The following GPRC5B variants were observed in gnomAD, a reference collection of about 807,000 sequenced individuals.
GPRC5B encodes G protein-coupled receptor family C group 5 member B.
A neutral mutation model predicts 30.1 loss-of-function variants in GPRC5B; 16 were observed. The observed-to-expected ratio is 0.53, with a 90% CI of 0.36 to 0.81. The LOEUF is 0.81. Ranked by LOEUF, GPRC5B falls within the 30% of genes least tolerant of loss-of-function variation. The pLI, the probability that GPRC5B is intolerant of heterozygous loss-of-function variation, is 0.01. For missense variants in GPRC5B, 428 were observed against 544.7 expected, an observed-to-expected ratio of 0.79 and a Z score of 2.13; for synonymous variants, 241 against 239.5, an observed-to-expected ratio of 1.01 and a Z score of -0.06.
intron 2 of GPRC5B, among the ~76,000 whole-genome samples, chr16:19,866,073 T>C (rs1451726351): frequency 6.6e-6 from 1 of 152,176 alleles, no homozygotes; most frequent in Non-Finnish European, 1.5e-5. Context: ...ATTACAGGCA[T>C]GCGCCACCAC....
At chr16:19,878,095 G>T (rs867628577) in intron 1 of GPRC5B, among the ~76,000 whole-genome samples, 13 of 151,722 alleles carry the variant, frequency 8.6e-5, no homozygotes, top group South Asian at 2.1e-4. Flanking sequence ...GCTACTTGGG[G>T]GACTGAGGCA....
chr16:19,864,164 T>G (rs868130550), intron 2 of GPRC5B, among the ~76,000 whole-genome samples: 60 of 152,342 alleles, frequency 3.9e-4, no homozygotes, highest in Admixed American at 1.2e-3. Context: ...AAAGCTCAAA[T>G]GGCTGGATGC....
At chr16:19,878,203 AC>A (rs2056774782) in intron 1 of GPRC5B, among the ~76,000 whole-genome samples, 1 of 119,160 alleles carries the variant, frequency 8.4e-6, no homozygotes, top group African/African-American at 3.6e-5. Context: ...CGTCTTAAAA[AC>A]AAACAAACAA....
Position 19,858,243 on chromosome 16 carries a change from T to C in GPRC5B, c.*2257A>G, listed in dbSNP as rs2056588485. ...CTCACTCCCGCCTCCGCCCCCATTA[T>C]GAAGGCGTTCAGCCCACTCTCAACC... On this transcript the variant is annotated 3_prime_UTR_variant, in exon 4 of 4. Transcript: ENST00000300571. 8.0e-6 allele frequency: 3 copies of C among 373,592 alleles called. No homozygotes were observed. The highest frequency in any genetic ancestry group is 4.6e-5 in the Admixed American group (1 of 21,848). The allele number at this position is 373,592 out of a possible 1,614,324, so 23.1% of individuals were successfully genotyped here. A position where few individuals can be genotyped will look rare whatever the true frequency, so the allele number is the denominator to read the frequency against.
chr16:19,875,448 A>G (rs888021437), intron 1 of GPRC5B, among the ~76,000 whole-genome samples: 1 of 152,240 alleles, frequency 6.6e-6, no homozygotes, highest in Non-Finnish European at 1.5e-5. Context: ...CAAGAAAACC[A>G]AACACATTCA....
At position 19,861,936 on chromosome 16, in the gene GPRC5B, T is replaced by C. The variant is rs757728423; in HGVS notation, c.1068A>G (p.Gly356=). 13 of 1,613,428 alleles carry C rather than the reference T, an allele frequency of 8.1e-6. No homozygotes were observed. Among genetic ancestry groups the C allele is most frequent in the Admixed American group, 1.7e-5 (1 of 59,978 alleles). The part of the protein sequence containing the change: ...RTAGFPNGSL[G]KRPSGSLGKR... ...TCCCCAAGCTGCCACTGGGTCTTTT[T>C]CCCAAGCTGCCGTTGGGAAATCCTG... is the stretch of plus-strand genomic sequence containing the variant. The change falls in exon 3 of 4, where the codon GGA becomes GGG. Residue 356 remains glycine, a synonymous_variant. Coordinates refer to ENST00000300571, the MANE Select transcript of GPRC5B (RefSeq NM_016235.3).
intron 3 of GPRC5B, 23 bp from the exon 4 acceptor site, chr16:19,860,567 C>G: frequency 6.5e-7 from 1 of 1,541,852 alleles, no homozygotes; most frequent in African/African-American, 1.4e-5. Flanking sequence ...ATAAGGATAA[C>G]ACACTGAGAA....
chr16:19,868,580 T>C (rs1478222053), intron 2 of GPRC5B, among the ~76,000 whole-genome samples: 8 of 152,146 alleles, frequency 5.3e-5, no homozygotes, highest in Non-Finnish European at 8.8e-5. Context: ...TGCTGATCTC[T>C]GTCCTGATCC....
intron 3 of GPRC5B, among the ~76,000 whole-genome samples, chr16:19,861,575 T>C (rs1439293706): frequency 6.6e-6 from 1 of 152,166 alleles, no homozygotes; most frequent in East Asian, 1.9e-4. Flanking sequence ...AATAATTCAC[T>C]GGGTCCAACA....
upstream of GPRC5B, chr16:19,885,262 G>T: frequency 1.6e-6 from 2 of 1,285,620 alleles, no homozygotes; most frequent in Non-Finnish European, 2.0e-6. The surrounding 1 kb of genome is among the most constrained non-coding windows in gnomAD (Gnocchi z 5.3). Flanking sequence ...CCCAGGCCAC[G>T]CTCCAAGGGG....
rs779754829 is a variant in GPRC5B at position 19,872,588 on chromosome 16, C to T, written c.258G>A (p.Glu86=). The change falls in exon 2 of 4, where the codon GAG becomes GAA. Residue 86 remains glutamate (E), a synonymous_variant. Coordinates refer to ENST00000300571, the MANE Select transcript of GPRC5B (RefSeq NM_016235.3). This position sits in a 1 kb window ranked among gnomAD's most constrained non-coding sequence, Gnocchi z 5.0. The part of the protein sequence containing the change: ...ILLVRLPFIK[E]KEKKSPVGLH... ...GGCCCACAGGGCTCTTCTTCTCCTTCTCCTTGATGAAGGGCAGCCGCACCA... is the reference window on the plus strand; with the variant it reads ...GGCCCACAGGGCTCTTCTTCTCCTTTTCCTTGATGAAGGGCAGCCGCACCA... 7 of 1,614,034 alleles carry T rather than the reference C, an allele frequency of 4.3e-6. No individual in the cohort carries two copies. In the South Asian group the frequency reaches 7.7e-5, roughly 18 times the overall value.
At chr16:19,881,392 C>G (rs1200944098) in intron 1 of GPRC5B, among the ~76,000 whole-genome samples, 1 of 152,016 alleles carries the variant, frequency 6.6e-6, no homozygotes, top group Non-Finnish European at 1.5e-5. Flanking sequence ...CGTAGCAAGA[C>G]TGTCTCTATT....
intron 2 of GPRC5B, among the ~76,000 whole-genome samples, chr16:19,867,032 A>G (rs1463117377): frequency 6.6e-6 from 1 of 152,132 alleles, no homozygotes; most frequent in African/African-American, 2.4e-5. Context: ...CAGGAAACCA[A>G]CTTTTTCCCT....
intron 3 of GPRC5B, 93 bp downstream of exon 3, chr16:19,861,744 A>G: frequency 1.9e-6 from 2 of 1,039,154 alleles, no homozygotes; most frequent in South Asian, 1.4e-5. Context: ...CCACATGGGC[A>G]GCCTCCATGG....
At chr16:19,876,324 A>C (rs537854135) in intron 1 of GPRC5B, among the ~76,000 whole-genome samples, 1 of 152,362 alleles carries the variant, frequency 6.6e-6, no homozygotes, top group South Asian at 2.1e-4. Flanking sequence ...GCTGCCAAAC[A>C]TCCTACAATA....
intron 1 of GPRC5B, among the ~76,000 whole-genome samples, chr16:19,878,707 C>T (rs968327121): frequency 6.6e-6 from 1 of 152,328 alleles, no homozygotes; most frequent in African/African-American, 2.4e-5. Flanking sequence ...CAGTGCCTGG[C>T]ACTTGGGCAG....
intron 1 of GPRC5B, among the ~76,000 whole-genome samples, chr16:19,873,838 C>T (rs1405931018): frequency 6.6e-6 from 1 of 152,062 alleles, no homozygotes; most frequent in Non-Finnish European, 1.5e-5. Context: ...AGTGCAGTGG[C>T]GCAATCGGAG....
chr16:19,877,160 C>T (rs376514710), intron 1 of GPRC5B, among the ~76,000 whole-genome samples: 11 of 152,316 alleles, frequency 7.2e-5, no homozygotes, highest in African/African-American at 2.6e-4. Flanking sequence ...TGGGATGGAC[C>T]ACAGTCCTAA....
intron 2 of GPRC5B, among the ~76,000 whole-genome samples, chr16:19,863,161 A>G (rs2056640528): frequency 6.7e-6 from 1 of 149,586 alleles, no homozygotes; most frequent in Admixed American, 6.7e-5. Context: ...ATCGCACGAT[A>G]GCTACTTTTT....
Sources: gnomAD v4.1 joint callset for allele counts (sites outside exome capture counted in the v4.1 genomes callset) on GRCh38, gnomAD v4.1.1 for gene constraint, Gnocchi (gnomAD v3.1) non-coding constraint, MANE v1.5 for transcripts, NCBI Gene and HGNC (gene_info 2026-07-23, HGNC 2026-07-21) for gene names.